KIAA1328: variants seen among roughly 807,000 people sequenced by gnomAD.
The protein encoded by KIAA1328 is KIAA1328.
A neutral mutation model predicts 68.1 loss-of-function variants in KIAA1328; 52 were observed. The observed-to-expected ratio is 0.76, with a 90% CI of 0.61 to 0.96. KIAA1328 has a LOEUF of 0.96. Ranked by LOEUF, KIAA1328 falls within the 40% of genes least tolerant of loss-of-function variation. KIAA1328 has a pLI of 0.00. For synonymous variants in KIAA1328, 232 were observed against 239.4 expected (o/e 0.97, Z 0.28); for missense variants, 641 against 677.6 (o/e 0.95, Z 0.60).
Position 36,959,335 on chromosome 18 carries a change from A to C in KIAA1328, c.476A>C (p.Gln159Pro), listed in dbSNP as rs776029314. 2 of 1,602,532 alleles carry C rather than the reference A, an allele frequency of 1.2e-6. No individual in the cohort carries two copies. Among genetic ancestry groups the C allele is most frequent in the Non-Finnish European group, 1.7e-6 (2 of 1,175,386 alleles). The change falls in exon 6 of 10, where the codon CAA (glutamine) becomes CCA (proline). Residue 159 changes from glutamine (Q) to proline (P), a missense_variant. Transcript: ENST00000280020. ...CTTCAGCTACAGTATAGAGAATGCC[A>C]AGAACTTCTAAGCCTGTATCAGAAA... ...EALQLQYREC[Q>P]ELLSLYQKYL...
At position 37,118,685 on chromosome 18, in the gene KIAA1328, C is replaced by A. The variant is rs186690316; in HGVS notation, c.1233-41515C>A. On this transcript the variant is annotated intron_variant, in intron 7 of 9. Coordinates refer to ENST00000280020, the MANE Select transcript of KIAA1328 (RefSeq NM_020776.3). The stretch of plus-strand genomic sequence containing the variant: ...CAGTTCAATGGAATCATTGTTGTGT[C>A]TCCTGTTGGAAGTATTCTTCCCTTT... Among the ~76,000 whole-genome samples, 38 of 152,318 alleles carry A rather than the reference C, an allele frequency of 2.5e-4. 1 individual carries two copies. Among genetic ancestry groups the A allele is most frequent in the Admixed American group, 2.5e-3 (38 of 15,294 alleles).
Position 37,223,034 on chromosome 18 carries a change from G to A in KIAA1328, c.*807G>A, listed in dbSNP as rs1242476494. The A allele has an allele frequency of 3.0e-6, 3 of 984,752 alleles. No individual in the cohort carries two copies. The highest frequency in any genetic ancestry group is 1.8e-5 in the African/African-American group (1 of 56,936). The allele number at this position is 984,752 out of a possible 1,614,324, so 61.0% of individuals were successfully genotyped here. ...CCTAGGTATTTTTATTTACCCAAGT[G>A]TTCAGCTTATTCACCCCACCCCCCC... On this transcript the variant is annotated 3_prime_UTR_variant, in exon 10 of 10. Coordinates refer to ENST00000280020, the MANE Select transcript of KIAA1328 (RefSeq NM_020776.3).
At chr18:37,150,287 G>T (rs2058999758) in intron 7 of KIAA1328, among the ~76,000 whole-genome samples, 1 of 152,114 alleles carries the variant, frequency 6.6e-6, no homozygotes, top group African/African-American at 2.4e-5. Flanking sequence ...TGTTGTGAGA[G>T]GCTGTCCTGT....
At chr18:37,041,668 G>GTT (rs1568327596) in intron 6 of KIAA1328, among the ~76,000 whole-genome samples, 1 of 146,662 alleles carries the variant, frequency 6.8e-6, no homozygotes, top group Admixed American at 6.7e-5. Context: ...GTGTGTGTGT[G>GTT]TGTGTGTGTA....
At chr18:37,044,796 C>T (rs922547316) in intron 6 of KIAA1328, among the ~76,000 whole-genome samples, 3 of 127,364 alleles carry the variant, frequency 2.4e-5, no homozygotes, top group African/African-American at 9.0e-5. Context: ...AAGACTCCGG[C>T]TCAAAAAAAA....
chr18:36,996,044 G>A (rs1277026921), intron 6 of KIAA1328, among the ~76,000 whole-genome samples: 1 of 152,094 alleles, frequency 6.6e-6, no homozygotes, highest in Non-Finnish European at 1.5e-5. Flanking sequence ...TTAAAAGTAG[G>A]TATTGTTGTC....
At chr18:37,100,083 C>T (rs994635539) in intron 7 of KIAA1328, among the ~76,000 whole-genome samples, 6 of 152,118 alleles carry the variant, frequency 3.9e-5, no homozygotes, top group Non-Finnish European at 2.9e-5. Context: ...GTCTACAGCT[C>T]CCAGCATGAG....
intron 7 of KIAA1328, among the ~76,000 whole-genome samples, chr18:37,115,452 C>G (rs1214562753): frequency 1.4e-4 from 21 of 152,148 alleles, no homozygotes; most frequent in Admixed American, 1.4e-3. Context: ...AGGCCTTCAA[C>G]AAAATTCAAC....
chr18:36,892,979 A>G (rs1217301745), intron 5 of KIAA1328, among the ~76,000 whole-genome samples: 1 of 152,154 alleles, frequency 6.6e-6, no homozygotes, highest in Non-Finnish European at 1.5e-5. Flanking sequence ...AGGTGACCGT[A>G]CCCCAAACTT....
chr18:37,125,498 G>A (rs144855862), intron 7 of KIAA1328, among the ~76,000 whole-genome samples: 175 of 152,126 alleles, frequency 1.2e-3, no homozygotes, highest in African/African-American at 3.9e-3. Flanking sequence ...AAATAATAAA[G>A]TTAGAAGCAG....
intron 9 of KIAA1328, among the ~76,000 whole-genome samples, chr18:37,214,554 C>T (rs1461045738): frequency 6.6e-6 from 1 of 152,070 alleles, no homozygotes; most frequent in African/African-American, 2.4e-5. Context: ...TTATTGTAGC[C>T]TTGTAGTATA....
At chr18:37,085,785 CCTTT>C (rs1266944625) in intron 7 of KIAA1328, among the ~76,000 whole-genome samples, 5 of 152,014 alleles carry the variant, frequency 3.3e-5, no homozygotes, top group Non-Finnish European at 7.4e-5. Flanking sequence ...CCTCTCTTTA[CCTTT>C]CTTTCTCCCT....
chr18:37,053,862 A>G (rs1274713266), intron 6 of KIAA1328, among the ~76,000 whole-genome samples: 1 of 152,114 alleles, frequency 6.6e-6, no homozygotes, highest in African/African-American at 2.4e-5. Flanking sequence ...GGTTGGGTAC[A>G]CAGAGCCAGA....
chr18:37,102,400 A>G (rs1346244712), intron 7 of KIAA1328, among the ~76,000 whole-genome samples: 1 of 152,200 alleles, frequency 6.6e-6, no homozygotes, highest in Non-Finnish European at 1.5e-5. Context: ...AAACCTGCAC[A>G]TCCTGCACAT....
chr18:36,962,081 A>G (rs2051702380), intron 6 of KIAA1328, among the ~76,000 whole-genome samples: 1 of 152,214 alleles, frequency 6.6e-6, no homozygotes, highest in African/African-American at 2.4e-5. Flanking sequence ...TCTCATGTGC[A>G]GAGACACACA....
At chr18:36,909,454 G>A (rs1427423846) in intron 5 of KIAA1328, among the ~76,000 whole-genome samples, 1 of 152,046 alleles carries the variant, frequency 6.6e-6, no homozygotes, top group Non-Finnish European at 1.5e-5. Flanking sequence ...CCCTACAAAG[G>A]ACATGAACTC....
intron 6 of KIAA1328, among the ~76,000 whole-genome samples, chr18:37,064,512 A>C (rs2151724573): frequency 6.6e-6 from 1 of 151,812 alleles, no homozygotes; most frequent in South Asian, 2.1e-4. Context: ...TTTTATTTAA[A>C]AATAGGCATG....
chr18:37,199,176 G>A (rs929180724), intron 9 of KIAA1328, among the ~76,000 whole-genome samples: 9 of 152,204 alleles, frequency 5.9e-5, no homozygotes, highest in Middle Eastern at 3.4e-3. Context: ...GGGGTTTATT[G>A]TACAGAATAT....
chr18:36,873,150 G>C (rs1423260763), intron 4 of KIAA1328, among the ~76,000 whole-genome samples: 6 of 152,002 alleles, frequency 3.9e-5, no homozygotes, highest in African/African-American at 1.4e-4. Context: ...GGCTCATTTT[G>C]GTTTAATAAT....
Sources: gnomAD v4.1 joint callset for allele counts (sites outside exome capture counted in the v4.1 genomes callset) on GRCh38, gnomAD v4.1.1 for gene constraint, MANE v1.5 for transcripts, NCBI Gene and HGNC (gene_info 2026-07-23, HGNC 2026-07-21) for gene names.